The following ANKRD13C variants were observed in gnomAD, a reference collection of about 807,000 sequenced individuals.
ANKRD13C encodes ankyrin repeat domain-containing protein 13C.
In ANKRD13C, 16 loss-of-function variants were observed where a neutral mutation model predicts 65.5. The ratio of observed to expected loss-of-function variants is 0.24; its 90% CI spans 0.17 to 0.37. The LOEUF (loss-of-function observed/expected upper bound fraction) is 0.37. Ranked by LOEUF, ANKRD13C falls within the 10% of genes least tolerant of loss-of-function variation. The pLI, the probability that ANKRD13C is intolerant of heterozygous loss-of-function variation, is 1.00. For synonymous variants in ANKRD13C, 235 were observed against 238.7 expected (o/e 0.98, Z 0.14); for missense variants, 503 against 655.9 (o/e 0.77, Z 2.55).
chr1:70,314,014 T>A (rs1343470290), intron 4 of ANKRD13C, among the ~76,000 whole-genome samples: 1 of 151,784 alleles, frequency 6.6e-6, no homozygotes, highest in Non-Finnish European at 1.5e-5. Context: ...CTTCCCAGTA[T>A]AAACAAAATA....
intron 5 of ANKRD13C, among the ~76,000 whole-genome samples, chr1:70,309,731 A>T (rs1287800898): frequency 1.4e-5 from 2 of 144,528 alleles, no homozygotes; most frequent in African/African-American, 2.5e-5. Flanking sequence ...AAAAAAAAAA[A>T]AAATAATAAT....
At chr1:70,332,262 C>T (rs997718759) in intron 2 of ANKRD13C, among the ~76,000 whole-genome samples, 5 of 152,182 alleles carry the variant, frequency 3.3e-5, no homozygotes, top group Non-Finnish European at 2.9e-5. Flanking sequence ...TGAAACATTA[C>T]AATGCATATT....
intron 3 of ANKRD13C, among the ~76,000 whole-genome samples, chr1:70,321,855 CA>C (rs1681321933): frequency 6.6e-6 from 1 of 151,980 alleles, no homozygotes; most frequent in Non-Finnish European, 1.5e-5. Flanking sequence ...AGAATGTTAG[CA>C]AAATTATCAG....
At chr1:70,287,974 G>A (rs926951746) in intron 9 of ANKRD13C, among the ~76,000 whole-genome samples, 8 of 152,194 alleles carry the variant, frequency 5.3e-5, no homozygotes, top group Non-Finnish European at 1.0e-4. Flanking sequence ...AACCAAGATC[G>A]TGCCACTGCA....
Position 70,330,574 on chromosome 1 carries a change from CAAAAAAAAAAAAA to C in ANKRD13C, c.472+5471_472+5483del, listed in dbSNP as rs71071394. Among the ~76,000 whole-genome samples the C allele has an allele frequency of 4.4e-5, 3 of 68,394 alleles. No individual in the cohort carries two copies. In the Admixed American group the frequency reaches 5.5e-4, roughly 13 times the overall value. 44.9% of individuals were successfully genotyped at this position (68,394 alleles called of 152,430 possible). A position where few individuals can be genotyped will look rare whatever the true frequency, so the allele number is the denominator to read the frequency against. On this transcript the variant is annotated intron_variant, in intron 2 of 12. Coordinates refer to ENST00000370944, the MANE Select transcript of ANKRD13C (RefSeq NM_030816.5). The stretch of plus-strand genomic sequence containing the variant: ...CTCCGTCTCAAAAAAACAAACAAAC[CAAAAAAAAAAAAA>C]AAAAAAAAGAAATCACACATTAATA...
intron 4 of ANKRD13C, among the ~76,000 whole-genome samples, chr1:70,314,586 A>G (rs905188078): frequency 1.6e-4 from 25 of 152,258 alleles, no homozygotes; most frequent in African/African-American, 5.8e-4. Context: ...TGTTAAGAGT[A>G]TATATTCTAA....
intron 7 of ANKRD13C, among the ~76,000 whole-genome samples, chr1:70,297,286 G>GGTTTTTTTTTTTTTTTTTTTTTTTT (rs1558281019): frequency 8.0e-6 from 1 of 125,098 alleles, no homozygotes; most frequent in African/African-American, 3.0e-5. Flanking sequence ...GTCCCTTTCT[G>GGTTTTTTTTTTTTTTTTTTTTTTTT]ATTTTTTTTT....
chr1:70,353,169 A>T (rs1030711302), intron 1 of ANKRD13C, among the ~76,000 whole-genome samples: 11 of 152,246 alleles, frequency 7.2e-5, no homozygotes, highest in African/African-American at 2.7e-4. Flanking sequence ...CTTCAATAAT[A>T]AATTTACTGT....
chr1:70,324,994 C>T (rs764331219), intron 2 of ANKRD13C, 37 bp from the exon 3 acceptor site: 4 of 1,416,042 alleles, frequency 2.8e-6, no homozygotes, highest in Non-Finnish European at 2.9e-6. Flanking sequence ...AAACATCATG[C>T]AATTTTTAGA....
intron 2 of ANKRD13C, among the ~76,000 whole-genome samples, chr1:70,333,790 T>C (rs1297950431): frequency 6.6e-6 from 1 of 152,146 alleles, no homozygotes; most frequent in Non-Finnish European, 1.5e-5. Context: ...AGACACACCA[T>C]AAGAGATTGA....
intron 6 of ANKRD13C, among the ~76,000 whole-genome samples, chr1:70,301,396 C>A (rs937616853): frequency 1.3e-5 from 2 of 152,218 alleles, no homozygotes; most frequent in South Asian, 4.2e-4. Flanking sequence ...CCTTTAAGAC[C>A]AGGTTGCTAG....
At chr1:70,285,074 T>A (rs778683818) in intron 9 of ANKRD13C, among the ~76,000 whole-genome samples, 30 of 152,236 alleles carry the variant, frequency 2.0e-4, no homozygotes, top group Middle Eastern at 3.4e-3. Flanking sequence ...TAACCTACAA[T>A]TCACTGTGAC....
At chr1:70,318,972 C>T (rs762488233) in intron 3 of ANKRD13C, among the ~76,000 whole-genome samples, 25 of 152,066 alleles carry the variant, frequency 1.6e-4, no homozygotes, top group Non-Finnish European at 2.8e-4. Context: ...TGAGCCACCA[C>T]GCCCGGCTAA....
intron 9 of ANKRD13C, among the ~76,000 whole-genome samples, chr1:70,279,209 A>C (rs903443671): frequency 4.6e-5 from 7 of 151,852 alleles, no homozygotes; most frequent in African/African-American, 1.5e-4. Flanking sequence ...TCTGTCTCAA[A>C]AGAAATTAAA....
intron 8 of ANKRD13C, among the ~76,000 whole-genome samples, chr1:70,295,516 G>T (rs1434544145): frequency 6.6e-6 from 1 of 152,078 alleles, no homozygotes; most frequent in Non-Finnish European, 1.5e-5. Context: ...AAAGTGCTGG[G>T]ATTACATGCA....
intron 2 of ANKRD13C, among the ~76,000 whole-genome samples, chr1:70,329,840 C>A (rs1175285025): frequency 6.6e-6 from 1 of 151,980 alleles, no homozygotes; most frequent in Non-Finnish European, 1.5e-5. Flanking sequence ...CGCCTGTAAT[C>A]CCAGCACTTT....
intron 2 of ANKRD13C, among the ~76,000 whole-genome samples, chr1:70,333,797 T>C (rs961925751): frequency 3.3e-5 from 5 of 152,080 alleles, no homozygotes; most frequent in Admixed American, 2.6e-4. Context: ...CCATAAGAGA[T>C]TGAAAGATGA....
At chr1:70,304,744 C>T (rs1680517386) in intron 6 of ANKRD13C, among the ~76,000 whole-genome samples, 1 of 152,058 alleles carries the variant, frequency 6.6e-6, no homozygotes, top group Admixed American at 6.6e-5. Context: ...ATAGTATCCT[C>T]CAAAATTGCC....
intron 6 of ANKRD13C, 61 bp from the exon 7 acceptor site, chr1:70,300,969 T>C: frequency 1.3e-6 from 2 of 1,527,632 alleles, no homozygotes; most frequent in South Asian, 1.3e-5. Flanking sequence ...ACTTCACTAA[T>C]AATTAAATAA....
Sources: gnomAD v4.1 joint callset for allele counts (sites outside exome capture counted in the v4.1 genomes callset) on GRCh38, gnomAD v4.1.1 for gene constraint, MANE v1.5 for transcripts, NCBI Gene and HGNC (gene_info 2026-07-23, HGNC 2026-07-21) for gene names.